The following ELL variants were observed in gnomAD, a reference collection of about 807,000 sequenced individuals.
ELL encodes the protein RNA polymerase II elongation factor ELL.
A neutral mutation model predicts 64.0 loss-of-function variants in ELL; 18 were observed. That is an observed-to-expected ratio of 0.28 (90% CI 0.19 to 0.42). The LOEUF is 0.42. Among genes scored for constraint, ELL ranks in the 10% least tolerant of loss-of-function variants. The probability of loss-of-function intolerance (pLI) is 1.00; values close to 1 mark genes in which losing one functional copy is unlikely to be tolerated. For synonymous variants in ELL, 399 were observed against 376.2 expected (o/e 1.06, Z -0.70); for missense variants, 797 against 870.4 (o/e 0.92, Z 1.06).
At chr19:18,485,343 C>G (rs1975387127) in intron 1 of ELL, among the ~76,000 whole-genome samples, 1 of 152,194 alleles carries the variant, frequency 6.6e-6, no homozygotes, top group Non-Finnish European at 1.5e-5. Flanking sequence ...TTGGGCCTTC[C>G]AAGCTCAACT....
intron 2 of ELL, among the ~76,000 whole-genome samples, chr19:18,466,258 T>C: frequency 6.6e-6 from 1 of 152,180 alleles, no homozygotes; most frequent in East Asian, 1.9e-4. Context: ...AAGTGGTTTG[T>C]CTGGACCATG....
At position 18,498,188 on chromosome 19, in the gene ELL, GTGGA is replaced by G. The variant is rs1975701966; in HGVS notation, c.135+23729_135+23732del. ...GGAAACAAATGTGCCACTCTGTGGG[GTGGA>G]TGGGACACTGAGAATGGGGGAGGCT... On this transcript the variant is annotated intron_variant, in intron 1 of 11. Coordinates refer to ENST00000262809, the MANE Select transcript of ELL (RefSeq NM_006532.4). Among the ~76,000 whole-genome samples the G allele has an allele frequency of 3.3e-5, 5 of 152,276 alleles. No individual in the cohort carries two copies. In the South Asian group the frequency reaches 1.0e-3, roughly 32 times the overall value.
In ELL at chr19:18,454,097, G is replaced by A. The variant is rs528345843; in HGVS notation, c.870-2449C>T. Among the ~76,000 whole-genome samples the A allele has an allele frequency of 2.7e-3, 413 of 152,268 alleles. 2 individuals carry two copies. The highest frequency in any genetic ancestry group is 9.7e-3 in the African/African-American group (403 of 41,548). ...AAATTTTCTGGAACTAGACAGAGGTGGTGGCTGCACAATATTATGAACGTA... is the reference window on the plus strand; with the variant it reads ...AAATTTTCTGGAACTAGACAGAGGTAGTGGCTGCACAATATTATGAACGTA... On this transcript the variant is annotated intron_variant, in intron 6 of 11. Transcript: ENST00000262809.
rs1975770079 is a variant in ELL, at chr19:18,501,025, C to G, written c.135+20896G>C. 6.6e-6 allele frequency among the ~76,000 whole-genome samples: 1 copy of G among 152,068 alleles called. No individual in the cohort carries two copies. The highest frequency in any genetic ancestry group is 1.5e-5 in the Non-Finnish European group (1 of 67,998). On this transcript the variant is annotated intron_variant, in intron 1 of 11. Coordinates refer to ENST00000262809, the MANE Select transcript of ELL (RefSeq NM_006532.4). This position sits in a 1 kb window ranked among gnomAD's most constrained non-coding sequence, Gnocchi z 4.5. ...GGGAAGCAGGCCAACCTCCAACCAC[C>G]GAACTTGGGCCAAAACTCACAGCAG...
chr19:18,451,692 C>T, intron 6 of ELL, 44 bp from the exon 7 acceptor site: 1 of 1,443,744 alleles, frequency 6.9e-7, no homozygotes, highest in Non-Finnish European at 9.0e-7. Context: ...GCTGAGGGGG[C>T]CTAGGGGCCC....
At chr19:18,509,439 C>T (rs899176488) in intron 1 of ELL, among the ~76,000 whole-genome samples, 11 of 152,222 alleles carry the variant, frequency 7.2e-5, no homozygotes, top group Non-Finnish European at 1.5e-4. Context: ...GTCACCCTTC[C>T]GAAAGAAGGG....
rs540681322 is a variant in ELL at position 18,490,114 on chromosome 19, A to C, written c.136-17232T>G. Among the ~76,000 whole-genome samples, 3 of 152,214 alleles carry C rather than the reference A, an allele frequency of 2.0e-5. No individual in the cohort carries two copies. The South Asian group carries it at 6.2e-4, about 32-fold the overall frequency. On this transcript the variant is annotated intron_variant, in intron 1 of 11. Coordinates refer to ENST00000262809, the MANE Select transcript of ELL (RefSeq NM_006532.4). ...ACCCTGCTGTCGCCTTCTCTCCTGG[A>C]CGCAATCTAAAACAATCTCAACTTA... is the stretch of plus-strand genomic sequence containing the variant.
intron 1 of ELL, among the ~76,000 whole-genome samples, chr19:18,492,748 A>G (rs1435227500): frequency 6.6e-6 from 1 of 152,148 alleles, no homozygotes; most frequent in African/African-American, 2.4e-5. Context: ...AGGGCAGCTC[A>G]AGTCAGAAAG....
intron 1 of ELL, among the ~76,000 whole-genome samples, chr19:18,521,697 AG>A (rs1976282800): frequency 1.3e-5 from 2 of 151,772 alleles, no homozygotes; most frequent in Admixed American, 6.6e-5. Context: ...GCCCCTCAGC[AG>A]CCCCGGGCCA....
intron 8 of ELL, among the ~76,000 whole-genome samples, chr19:18,447,747 G>T (rs958323823): frequency 4.6e-5 from 7 of 151,996 alleles, no homozygotes; most frequent in Non-Finnish European, 8.8e-5. Context: ...TTCCGATACA[G>T]AAATGATTTT....
intron 1 of ELL, among the ~76,000 whole-genome samples, chr19:18,509,593 G>GCGCGCGCGCGCGCGCGCGCACA (rs1438642062): frequency 1.2e-5 from 1 of 83,240 alleles, no homozygotes; most frequent in South Asian, 4.7e-4. Flanking sequence ...GCGCGCGCGC[G>GCGCGCGCGCGCGCGCGCGCACA]CACATACACA....
chr19:18,473,555 G>A (rs921097672), intron 1 of ELL, among the ~76,000 whole-genome samples: 1 of 152,216 alleles, frequency 6.6e-6, no homozygotes, highest in African/African-American at 2.4e-5. Context: ...GCTGGTCACT[G>A]AGCTTGGAGC....
intron 1 of ELL, among the ~76,000 whole-genome samples, chr19:18,510,045 G>T (rs956052606): frequency 8.5e-5 from 13 of 152,172 alleles, no homozygotes; most frequent in African/African-American, 3.1e-4. Flanking sequence ...CCTCACCCAA[G>T]GCCCTTCCTA....
chr19:18,477,578 T>C (rs1273011585), intron 1 of ELL, among the ~76,000 whole-genome samples: 1 of 152,116 alleles, frequency 6.6e-6, no homozygotes, highest in African/African-American at 2.4e-5. Context: ...GTGCCGACAC[T>C]GCACATCAGG....
At chr19:18,455,035 G>A (rs987490316) in intron 6 of ELL, among the ~76,000 whole-genome samples, 4 of 150,056 alleles carry the variant, frequency 2.7e-5, no homozygotes, top group African/African-American at 4.9e-5. Context: ...CAGCTACTCA[G>A]GAGGCTGAGG....
At chr19:18,469,017 C>T (rs951802134) in intron 2 of ELL, among the ~76,000 whole-genome samples, 32 of 152,250 alleles carry the variant, frequency 2.1e-4, no homozygotes, top group African/African-American at 7.2e-4. Flanking sequence ...TAGACATCTG[C>T]CCCCCAAACT....
intron 1 of ELL, among the ~76,000 whole-genome samples, chr19:18,514,421 G>A (rs1286143533): frequency 1.3e-5 from 2 of 151,050 alleles, no homozygotes; most frequent in Non-Finnish European, 2.9e-5. Flanking sequence ...GGCTGAGGCA[G>A]GAGAATGGCG....
chr19:18,464,736 C>T (rs111886343), intron 4 of ELL, among the ~76,000 whole-genome samples: 11 of 152,360 alleles, frequency 7.2e-5, no homozygotes, highest in African/African-American at 1.9e-4. Context: ...CTACTCCTGC[C>T]GTAATGAGTT....
chr19:18,451,577 C>A lies in ELL; in HGVS notation c.941G>T (p.Arg314Leu). 1 of 1,493,774 alleles carries A rather than the reference C, an allele frequency of 6.7e-7. No individual in the cohort carries two copies. Among genetic ancestry groups the A allele is most frequent in the Non-Finnish European group, 8.9e-7 (1 of 1,129,870 alleles). The allele number at this position is 1,493,774 out of a possible 1,614,324, so 92.5% of individuals were successfully genotyped here. A position where few individuals can be genotyped will look rare whatever the true frequency, so the allele number is the denominator to read the frequency against. ...CTGTGGGGGCGAGGCCGAGCGCCCA[C>A]GCTCGCCTGGGGGGCTGGAGGCAGC... ...DPAASSPPGE[R>L]GRSASPPQKR... The change falls in exon 7 of 12, where the codon CGT becomes CTT. Residue 314 changes from arginine to leucine, a missense_variant. Transcript: ENST00000262809.
Sources: gnomAD v4.1 joint callset for allele counts (sites outside exome capture counted in the v4.1 genomes callset) on GRCh38, gnomAD v4.1.1 for gene constraint, Gnocchi (gnomAD v3.1) non-coding constraint, MANE v1.5 for transcripts, NCBI Gene and HGNC (gene_info 2026-07-23, HGNC 2026-07-21) for gene names.